ZNF454: variants seen among roughly 807,000 people sequenced by gnomAD.
ZNF454 encodes zinc finger protein 454.
In ZNF454, 30 loss-of-function variants were observed where a neutral mutation model predicts 48.2. The observed-to-expected ratio is 0.62, with a 90% CI of 0.47 to 0.84. The LOEUF (loss-of-function observed/expected upper bound fraction) is 0.84. Among genes scored for constraint, ZNF454 ranks in the 40% least tolerant of loss-of-function variants. The probability of loss-of-function intolerance (pLI) is 0.00; values close to 1 mark genes in which losing one functional copy is unlikely to be tolerated. For missense variants in ZNF454, 510 were observed against 623.1 expected (o/e 0.82, Z 1.93); for synonymous variants, 204 against 211.4 (o/e 0.97, Z 0.30).
At chr5:178,967,285 C>G (rs1205112020), downstream of ZNF454, among the ~76,000 whole-genome samples, 1 of 152,186 alleles carries the variant, frequency 6.6e-6, no homozygotes, top group Non-Finnish European at 1.5e-5. Flanking sequence ...GCCCATTTCT[C>G]TATGTGCAAT....
the ZNF454 span, among the ~76,000 whole-genome samples, chr5:178,974,705 C>A: frequency 6.6e-6 from 1 of 152,184 alleles, no homozygotes; most frequent in Admixed American, 6.5e-5. Flanking sequence ...ATTGTTCCTA[C>A]ATTATGCCAT....
rs546331940 is a variant in ZNF454 at position 178,946,163 on chromosome 5, G to T, written c.34-196G>T. ...TCGCCACCATATATGTTTCTTCAGC[G>T]TGGAGAGCAATGTCTAGTCCAAGGC... On this transcript the variant is annotated intron_variant, in intron 2 of 4. Transcript: ENST00000519564. The surrounding 1 kb of genome is among the most constrained non-coding windows in gnomAD (Gnocchi z 4.5). 6.6e-6 allele frequency among the ~76,000 whole-genome samples: 1 copy of T among 152,110 alleles called. No individual in the cohort carries two copies. Among genetic ancestry groups the T allele is most frequent in the East Asian group, 1.9e-4 (1 of 5,196 alleles).
the ZNF454 span, among the ~76,000 whole-genome samples, chr5:178,971,684 T>TA: frequency 0.11 from 16,119 of 142,166 alleles, 1,328 homozygotes; most frequent in African/African-American, 0.23. Context: ...CCATCTCTAC[T>TA]AAAAAAAAAA....
chr5:178,982,576 CAAAAAAAAAAAAAA>C, the ZNF454 span, among the ~76,000 whole-genome samples: 5 of 20,184 alleles, frequency 2.5e-4, no homozygotes, highest in South Asian at 7.9e-3. Context: ...GACTCTGTCT[CAAAAAAAAAAAAAA>C]AAAAAAAAAA....
chr5:178,969,562 T>C (rs756039271), downstream of ZNF454: 1 of 456,982 alleles, frequency 2.2e-6, no homozygotes, highest in South Asian at 1.5e-5. Flanking sequence ...ATGTGCCACC[T>C]TCAGCAGCTC....
the ZNF454 span, chr5:178,981,423 C>A: frequency 4.2e-6 from 2 of 479,682 alleles, no homozygotes; most frequent in Non-Finnish European, 3.8e-6. The surrounding 1 kb of genome is among the most constrained non-coding windows in gnomAD (Gnocchi z 5.1). Context: ...GGCTGTTTCC[C>A]ACCATGGGAA....
chr5:178,950,222 C>T (rs80150878), intron 4 of ZNF454, among the ~76,000 whole-genome samples: 1 of 152,114 alleles, frequency 6.6e-6, no homozygotes, highest in African/African-American at 2.4e-5. Flanking sequence ...AAATAGCTTT[C>T]CTTCTTAGTT....
the ZNF454 span, among the ~76,000 whole-genome samples, chr5:178,984,591 T>C: frequency 1.3e-4 from 20 of 152,040 alleles, no homozygotes; most frequent in Non-Finnish European, 1.9e-4. Context: ...CAACGGGGTC[T>C]AAGCATCTCC....
chr5:178,951,693 T>G (rs551736764), intron 4 of ZNF454, among the ~76,000 whole-genome samples: 2 of 152,362 alleles, frequency 1.3e-5, no homozygotes, highest in East Asian at 3.9e-4. Flanking sequence ...GTAAGTTATT[T>G]CCAGACTTTT....
chr5:178,972,203 G>A, the ZNF454 span, among the ~76,000 whole-genome samples: 10 of 152,030 alleles, frequency 6.6e-5, no homozygotes, highest in South Asian at 1.2e-3. Flanking sequence ...CAAAGTGCTG[G>A]GATTACAGGT....
rs542883833 is a variant in ZNF454 at position 178,955,800 on chromosome 5, A to G, written c.250+8814A>G. 8.8e-4 allele frequency among the ~76,000 whole-genome samples: 134 copies of G among 152,354 alleles called. 2 individuals are homozygous for G. Among genetic ancestry groups the G allele is most frequent in the Non-Finnish European group, 1.1e-3 (74 of 68,032 alleles). On this transcript the variant is annotated intron_variant, in intron 4 of 4. Coordinates refer to ENST00000519564, the MANE Select transcript of ZNF454 (RefSeq NM_001178089.3). The stretch of plus-strand genomic sequence containing the variant: ...TAGTGAAGTCTTCTGGGCCAGGAGC[A>G]GAAGACTTGTGGGACAGTTTTAAAC...
At position 178,965,237 on chromosome 5, in the gene ZNF454, GA is replaced by G; in HGVS notation, c.837del (p.Ala280LeufsTer88). The part of the protein sequence containing the change: ...GEKPFECNLC[G>X]KAFIRNIHLA... The stretch of plus-strand genomic sequence containing the variant: ...AAGCCTTTTGAATGCAACTTATGTG[GA>G]AAAGCTTTTATCCGAAATATACACC... On this transcript the variant is annotated frameshift_variant, in exon 5 of 5. Coordinates refer to ENST00000519564, the MANE Select transcript of ZNF454 (RefSeq NM_001178089.3). LOFTEE classifies it high-confidence loss of function. The surrounding 1 kb of genome is among the most constrained non-coding windows in gnomAD (Gnocchi z 5.2). The G allele has an allele frequency of 6.2e-7, 1 of 1,614,180 alleles. No individual in the cohort carries two copies. Among genetic ancestry groups the G allele is most frequent in the African/African-American group, 1.3e-5 (1 of 75,036 alleles).
At chr5:178,987,363 C>T in the ZNF454 span, 9 of 471,508 alleles carry the variant, frequency 1.9e-5, no homozygotes, top group Middle Eastern at 3.2e-4. Context: ...TGTACAGCCA[C>T]GTTCACAGCA....
rs992990411 is a variant in ZNF454, at chr5:178,959,821, G to A, written c.251-4834G>A. 3.9e-5 allele frequency among the ~76,000 whole-genome samples: 6 copies of A among 151,932 alleles called. No homozygotes were observed. The East Asian group carries it at 1.2e-3, about 30-fold the overall frequency. ...GGGGTTTCACCGTGTTAGCCAGGATGGTCTCGATCTCCTGACCTCGTGATC... is the reference window on the plus strand; with the variant it reads ...GGGGTTTCACCGTGTTAGCCAGGATAGTCTCGATCTCCTGACCTCGTGATC... On this transcript the variant is annotated intron_variant, in intron 4 of 4. Coordinates refer to ENST00000519564, the MANE Select transcript of ZNF454 (RefSeq NM_001178089.3).
the ZNF454 span, chr5:178,985,507 T>G: frequency 3.8e-5 from 13 of 338,572 alleles, no homozygotes; most frequent in Non-Finnish European, 5.2e-5. Flanking sequence ...ATCGAGACCA[T>G]CCTGGCTAAC....
Position 178,965,607 on chromosome 5 carries a change from A to G in ZNF454, c.1203A>G (p.Arg401=). ...TCAGGGATAATTCATCCTTTGCACGACATCGGAAAATTCACACTGGAGAGA... is the reference window on the plus strand; with the variant it reads ...TCAGGGATAATTCATCCTTTGCACGGCATCGGAAAATTCACACTGGAGAGA... The part of the protein sequence containing the change: ...KAFRDNSSFA[R]HRKIHTGEKP... The change falls in exon 5 of 5, where the codon CGA becomes CGG. Residue 401 remains arginine (R), a synonymous_variant. Transcript: ENST00000519564. This position sits in a 1 kb window ranked among gnomAD's most constrained non-coding sequence, Gnocchi z 5.2. The G allele has an allele frequency of 6.2e-7, 1 of 1,613,982 alleles. No homozygotes were observed. The highest frequency in any genetic ancestry group is 1.1e-5 in the South Asian group (1 of 91,062).
Position 178,965,387 on chromosome 5 carries a change from A to G in ZNF454, c.983A>G (p.Tyr328Cys), listed in dbSNP as rs978828947. 1.9e-6 allele frequency: 3 copies of G among 1,614,084 alleles called. No individual in the cohort carries two copies. The highest frequency in any genetic ancestry group is 2.2e-5 in the South Asian group (2 of 91,088). Reference sequence around the variant, plus strand: ...AATATCCACAGTGGAGAGAAACCCTATAAATGCAATGAATGTGGAAAAGCC... The same window carrying G: ...AATATCCACAGTGGAGAGAAACCCTGTAAATGCAATGAATGTGGAAAAGCC... ...HQNIHSGEKP[Y>C]KCNECGKAFN... Residue 328 changes from tyrosine (Y) to cysteine (C), a missense_variant, in exon 5 of 5, where the codon TAT becomes TGT. By Grantham distance (194) the Tyr-to-Cys change is radical (BLOSUM62 -2). This residue lies in a region of ZNF454 where 354 missense variants were observed against 408.9 expected (regional missense o/e 0.87). Coordinates refer to ENST00000519564, the MANE Select transcript of ZNF454 (RefSeq NM_001178089.3). The surrounding 1 kb of genome is among the most constrained non-coding windows in gnomAD (Gnocchi z 5.2).
In ZNF454 at chr5:178,964,785, G is replaced by C. The variant is rs1561708084; in HGVS notation, c.381G>C (p.Glu127Asp). Residue 127 changes from glutamate (E) to aspartate (D), a missense_variant, in exon 5 of 5, where the codon GAG becomes GAC. This residue lies in a region of ZNF454 where 354 missense variants were observed against 408.9 expected (regional missense o/e 0.87). Transcript: ENST00000519564. Reference protein sequence around the residue: ...SSHWKCASLLEWQCGGQEISL... With the variant: ...SSHWKCASLLDWQCGGQEISL... Reference sequence around the variant, plus strand: ...ACTGGAAGTGTGCTAGCCTGCTGGAGTGGCAATGTGGAGGCCAGGAGATCA... The same window carrying C: ...ACTGGAAGTGTGCTAGCCTGCTGGACTGGCAATGTGGAGGCCAGGAGATCA... The C allele has an allele frequency of 6.2e-7, 1 of 1,614,236 alleles. No homozygotes were observed. The highest frequency in any genetic ancestry group is 1.1e-5 in the South Asian group (1 of 91,092).
chr5:178,950,714 C>G (rs1230833409), intron 4 of ZNF454, among the ~76,000 whole-genome samples: 1 of 151,920 alleles, frequency 6.6e-6, no homozygotes, highest in African/African-American at 2.4e-5. Flanking sequence ...TTAGCTTTAT[C>G]TTTTTTGAGT....
Sources: gnomAD v4.1 joint callset for allele counts (sites outside exome capture counted in the v4.1 genomes callset) on GRCh38, gnomAD v4.1.1 for gene constraint, gnomAD v4.1.1 regional missense constraint, Gnocchi (gnomAD v3.1) non-coding constraint, MANE v1.5 for transcripts, NCBI Gene and HGNC (gene_info 2026-07-23, HGNC 2026-07-21) for gene names.